CHST11: variants seen among roughly 807,000 people sequenced by gnomAD.
CHST11 encodes C4S-1.
A neutral mutation model predicts 30.4 loss-of-function variants in CHST11; 9 were observed. The observed-to-expected ratio is 0.30, with a 90% confidence interval of 0.18 to 0.52. CHST11 has a LOEUF of 0.52. CHST11 is among the 20% of genes least tolerant of loss of function. The pLI, the probability that CHST11 is intolerant of heterozygous loss-of-function variation, is 0.97. For missense variants in CHST11, 348 were observed against 460.6 expected, an observed-to-expected ratio of 0.76 and a Z score of 2.24; for synonymous variants, 152 against 187.8, an observed-to-expected ratio of 0.81 and a Z score of 1.56.
rs116399459 is a variant in CHST11 at position 104,709,782 on chromosome 12, C to T, written c.205-47167C>T. On this transcript the variant is annotated intron_variant, in intron 2 of 2. Transcript: ENST00000303694. ...GGGGGATGGGGACAGAGGGTAACAGCGAAAGTGGGTGGTGGGTACAAGGTT... is the reference window on the plus strand; with the variant it reads ...GGGGGATGGGGACAGAGGGTAACAGTGAAAGTGGGTGGTGGGTACAAGGTT... Among the ~76,000 whole-genome samples the T allele has an allele frequency of 5.6e-3, 852 of 152,158 alleles. 10 individuals carry two copies. The highest frequency in any genetic ancestry group is 0.018 in the African/African-American group (741 of 41,490).
intron 1 of CHST11, among the ~76,000 whole-genome samples, chr12:104,578,543 G>A (rs1014017728): frequency 1.3e-5 from 2 of 152,116 alleles, no homozygotes; most frequent in African/African-American, 4.8e-5. Context: ...TGGGTCCGTT[G>A]GCTGTCTCTC....
At chr12:104,702,314 A>G (rs1369853367) in intron 2 of CHST11, among the ~76,000 whole-genome samples, 1 of 152,214 alleles carries the variant, frequency 6.6e-6, no homozygotes, top group African/African-American at 2.4e-5. Flanking sequence ...GCTCTGTGCT[A>G]TTTCATTCAC....
chr12:104,652,820 C>G (rs1205177969), intron 2 of CHST11, among the ~76,000 whole-genome samples: 1 of 152,200 alleles, frequency 6.6e-6, no homozygotes, highest in Non-Finnish European at 1.5e-5. Flanking sequence ...GGGCCAGTGG[C>G]TTTGCTCAGG....
At chr12:104,547,838 A>T (rs1005922) in intron 1 of CHST11, among the ~76,000 whole-genome samples, 73,909 of 151,580 alleles carry the variant, frequency 0.49, 18,291 homozygotes, top group Middle Eastern at 0.67. Context: ...TCTGTGGATT[A>T]AAAAAAAGGA....
chr12:104,666,507 CTG>C (rs2039644096), intron 2 of CHST11, among the ~76,000 whole-genome samples: 2 of 152,250 alleles, frequency 1.3e-5, no homozygotes, highest in Non-Finnish European at 2.9e-5. Flanking sequence ...TCTTGGGACT[CTG>C]TGTTTTTGCA....
At position 104,737,296 on chromosome 12, in the gene CHST11, G is replaced by A. The variant is rs111676502; in HGVS notation, c.205-19653G>A. On this transcript the variant is annotated intron_variant, in intron 2 of 2. Transcript: ENST00000303694. The stretch of plus-strand genomic sequence containing the variant: ...TCATCGTGGGGGTGGCTGACTTGGG[G>A]GCCAAAGACATGTACTTCAGAACAG... 6.9e-3 allele frequency among the ~76,000 whole-genome samples: 1,049 copies of A among 152,308 alleles called. 12 individuals carry two copies. Among genetic ancestry groups the A allele is most frequent in the African/African-American group, 0.024 (997 of 41,556 alleles).
At chr12:104,641,448 C>T (rs1023278623) in intron 2 of CHST11, among the ~76,000 whole-genome samples, 32 of 152,166 alleles carry the variant, frequency 2.1e-4, no homozygotes, top group African/African-American at 6.5e-4. Context: ...CACCCAAAAG[C>T]GTTCACCCCC....
At chr12:104,681,976 A>G (rs1592836244) in intron 2 of CHST11, among the ~76,000 whole-genome samples, 1 of 150,726 alleles carries the variant, frequency 6.6e-6, no homozygotes, top group African/African-American at 2.4e-5. Context: ...GACTACAGGC[A>G]CCCGCCACCA....
intron 1 of CHST11, among the ~76,000 whole-genome samples, chr12:104,492,011 A>G (rs572995219): frequency 4.6e-5 from 7 of 152,292 alleles, no homozygotes; most frequent in Non-Finnish European, 1.0e-4. Context: ...TGTGATTTCC[A>G]TCAGTCAGTC....
intron 2 of CHST11, among the ~76,000 whole-genome samples, chr12:104,623,735 C>A (rs913682630): frequency 6.6e-6 from 1 of 151,886 alleles, no homozygotes; most frequent in Non-Finnish European, 1.5e-5. Context: ...AAAAAAAGTT[C>A]ATGTGCCCTT....
At chr12:104,460,554 C>T (rs2037398100) in intron 1 of CHST11, among the ~76,000 whole-genome samples, 1 of 151,632 alleles carries the variant, frequency 6.6e-6, no homozygotes, top group African/African-American at 2.4e-5. Context: ...ATCCCAGGAA[C>T]TCCGGAGGCT....
chr12:104,685,035 G>T (rs1173455724), intron 2 of CHST11, among the ~76,000 whole-genome samples: 2 of 152,188 alleles, frequency 1.3e-5, no homozygotes, highest in Non-Finnish European at 2.9e-5. Flanking sequence ...AACAAACTCT[G>T]CATGGATTTT....
chr12:104,746,916 C>T (rs1242138998), intron 2 of CHST11, among the ~76,000 whole-genome samples: 1 of 152,226 alleles, frequency 6.6e-6, no homozygotes, highest in Admixed American at 6.5e-5. Flanking sequence ...CCTTTGACCC[C>T]TGGCTCTACT....
chr12:104,616,248 G>T (rs1012361593), intron 2 of CHST11, among the ~76,000 whole-genome samples: 1 of 152,186 alleles, frequency 6.6e-6, no homozygotes, highest in African/African-American at 2.4e-5. Flanking sequence ...AGCTTTGGCT[G>T]TACTTTAGAA....
chr12:104,478,177 C>T (rs558048955), intron 1 of CHST11, among the ~76,000 whole-genome samples: 5 of 152,190 alleles, frequency 3.3e-5, no homozygotes, highest in East Asian at 1.9e-4. Flanking sequence ...CATTGCTGAT[C>T]GTTACACACA....
rs145877145 is a variant in CHST11 at position 104,531,183 on chromosome 12, G to A, written c.119-70723G>A. Among the ~76,000 whole-genome samples, 653 of 152,118 alleles carry A rather than the reference G, an allele frequency of 4.3e-3. 6 individuals are homozygous for A. The highest frequency in any genetic ancestry group is 0.015 in the African/African-American group (611 of 41,502). On this transcript the variant is annotated intron_variant, in intron 1 of 2. Transcript: ENST00000303694. The stretch of plus-strand genomic sequence containing the variant: ...CTTCCTTCTTTCTACCATGGTATTT[G>A]TCTTTAAAGATTAGGCGATGTGGTG...
intron 1 of CHST11, among the ~76,000 whole-genome samples, chr12:104,520,944 G>T (rs2038068661): frequency 6.6e-6 from 1 of 152,162 alleles, no homozygotes; most frequent in Admixed American, 6.5e-5. Flanking sequence ...GGAAAGAATA[G>T]AACATATTCT....
chr12:104,711,684 C>T (rs1341669024), intron 2 of CHST11, among the ~76,000 whole-genome samples: 2 of 151,644 alleles, frequency 1.3e-5, no homozygotes, highest in Non-Finnish European at 2.9e-5. Context: ...AGGTGACAGC[C>T]AGATTCTTTA....
chr12:104,744,229 A>G (rs1166759462), intron 2 of CHST11, among the ~76,000 whole-genome samples: 1 of 152,242 alleles, frequency 6.6e-6, no homozygotes, highest in East Asian at 1.9e-4. Flanking sequence ...CCAACAGTGT[A>G]TAAGTGTTCC....
Sources: gnomAD v4.1 joint callset for allele counts (sites outside exome capture counted in the v4.1 genomes callset) on GRCh38, gnomAD v4.1.1 for gene constraint, MANE v1.5 for transcripts, NCBI Gene and HGNC (gene_info 2026-07-23, HGNC 2026-07-21) for gene names.